JKAMP: variants seen among roughly 807,000 people sequenced by gnomAD.
JKAMP encodes the protein JNK1/MAPK8 associated membrane protein, also known as JNK1/MAPK8-associated membrane protein.
JKAMP carries 20 observed loss-of-function variants against 40.2 expected under a neutral mutation model. That is an observed-to-expected ratio of 0.50 (90% CI 0.35 to 0.72). JKAMP has a LOEUF of 0.72. Ranked by LOEUF, JKAMP falls within the 30% of genes least tolerant of loss-of-function variation. The pLI, the probability that JKAMP is intolerant of heterozygous loss-of-function variation, is 0.01. For missense variants in JKAMP, 276 were observed against 373.0 expected (o/e 0.74, Z 2.14); for synonymous variants, 138 against 131.6 (o/e 1.05, Z -0.33).
Position 59,498,866 on chromosome 14 carries a change from C to G in JKAMP, c.598C>G (p.Pro200Ala). 1 of 1,611,140 alleles carries G rather than the reference C, an allele frequency of 6.2e-7. No homozygotes were observed. Among genetic ancestry groups the G allele is most frequent in the Non-Finnish European group, 8.5e-7 (1 of 1,178,626 alleles). ...KSIYAALYFF[P>A]ILTVLQAVGG... ...TATTTATGCTGCACTTTACTTCTTC[C>G]CAATTTTAACCGTGCTTCAGGCAGT... The change falls in exon 5 of 7, where the codon CCA becomes GCA. Residue 200 changes from proline (P) to alanine (A), a missense_variant. Pro to Ala is a conservative substitution (Grantham distance 27, BLOSUM62 -1). Coordinates refer to ENST00000616435, the MANE Select transcript of JKAMP (RefSeq NM_016475.5).
At chr14:59,501,567 A>G (rs1454689991) in intron 6 of JKAMP, among the ~76,000 whole-genome samples, 5 of 152,180 alleles carry the variant, frequency 3.3e-5, no homozygotes, top group Non-Finnish European at 7.4e-5. Context: ...AAATGTTGAA[A>G]CTTATTAACA....
In JKAMP at chr14:59,495,109, C is replaced by G; in HGVS notation, c.343C>G (p.Leu115Val). ...TLLVSDPVGV[L>V]YIRSCRVLML... ...ACTTGTGAGTGATCCAGTTGGTGTTCTTTATATTCGTTCATGTCGAGTATT... is the reference window on the plus strand; with the variant it reads ...ACTTGTGAGTGATCCAGTTGGTGTTGTTTATATTCGTTCATGTCGAGTATT... Residue 115 changes from leucine to valine, a missense_variant, in exon 4 of 7, where the codon CTT (leucine) becomes GTT (valine). Leu to Val is a conservative substitution (Grantham distance 32, BLOSUM62 1). Transcript: ENST00000616435. 1 of 1,613,302 alleles carries G rather than the reference C, an allele frequency of 6.2e-7. No individual in the cohort carries two copies. The highest frequency in any genetic ancestry group is 8.5e-7 in the Non-Finnish European group (1 of 1,179,340).
chr14:59,494,526 G>A (rs1253113), intron 3 of JKAMP, among the ~76,000 whole-genome samples: 65,309 of 152,016 alleles, frequency 0.43, 15,840 homozygotes, highest in African/African-American at 0.66. Context: ...CAGAAATACA[G>A]TTGGGATAAA....
At chr14:59,503,040 G>A (rs967241333) in intron 6 of JKAMP, among the ~76,000 whole-genome samples, 8 of 151,788 alleles carry the variant, frequency 5.3e-5, no homozygotes, top group Non-Finnish European at 7.4e-5. Flanking sequence ...GAGCCACCAC[G>A]CCTGACCTTG....
intron 5 of JKAMP, among the ~76,000 whole-genome samples, 196 bp downstream of exon 5, chr14:59,499,104 A>G (rs1301229934): frequency 1.5e-5 from 2 of 136,926 alleles, no homozygotes; most frequent in East Asian, 2.1e-4. Context: ...GTTCACTGCA[A>G]CCTCCGCCTC....
rs1489627372 is a variant in JKAMP at position 59,504,803 on chromosome 14, T to G, written c.*731T>G. The G allele has an allele frequency of 6.5e-6, 1 of 153,534 alleles. No individual in the cohort carries two copies. The highest frequency in any genetic ancestry group is 2.4e-5 in the African/African-American group (1 of 41,460). The allele number at this position is 153,534 out of a possible 1,614,324, so 9.5% of individuals were successfully genotyped here. A position where few individuals can be genotyped will look rare whatever the true frequency, so the allele number is the denominator to read the frequency against. ...TTTCCTCTCATATCTCGGGTATATATACATACCATATTTTATTGATCCAGA... is the reference window on the plus strand; with the variant it reads ...TTTCCTCTCATATCTCGGGTATATAGACATACCATATTTTATTGATCCAGA... On this transcript the variant is annotated 3_prime_UTR_variant, in exon 7 of 7. Transcript: ENST00000616435.
chr14:59,486,832 A>G, intron 2 of JKAMP, 28 bp downstream of exon 2: 1 of 1,336,872 alleles, frequency 7.5e-7, no homozygotes. Context: ...ATCTTATTTC[A>G]TTTTGTAAAA....
At chr14:59,486,838 T>C (rs1890618089) in intron 2 of JKAMP, 34 bp downstream of exon 2, 1 of 1,303,290 alleles carries the variant, frequency 7.7e-7, no homozygotes, top group Admixed American at 2.3e-5. Flanking sequence ...TTTCATTTTG[T>C]AAAATCTATT....
At chr14:59,487,550 T>G (rs546552355) in intron 2 of JKAMP, 124 bp from the exon 3 acceptor site, 21 of 687,880 alleles carry the variant, frequency 3.1e-5, no homozygotes, top group Non-Finnish European at 3.9e-5. Context: ...TTTTTATTTC[T>G]AAAAGCTGCA....
At chr14:59,492,580 G>A (rs993260280) in intron 3 of JKAMP, among the ~76,000 whole-genome samples, 2 of 152,150 alleles carry the variant, frequency 1.3e-5, no homozygotes, top group South Asian at 2.1e-4. Context: ...CTCCCCAGTC[G>A]AGATATAATT....
At chr14:59,496,782 A>G (rs147398851) in intron 4 of JKAMP, among the ~76,000 whole-genome samples, 46 of 152,258 alleles carry the variant, frequency 3.0e-4, no homozygotes, top group African/African-American at 1.1e-3. Flanking sequence ...TTTCTTCCTC[A>G]GCACCCTTAC....
chr14:59,487,541 T>C, intron 2 of JKAMP, 133 bp from the exon 3 acceptor site: 1 of 650,310 alleles, frequency 1.5e-6, no homozygotes, highest in South Asian at 2.4e-5. Context: ...ATGCCCTCTT[T>C]TTTATTTCTA....
intron 1 of JKAMP, 92 bp downstream of exon 1, chr14:59,484,685 C>T (rs2139845463): frequency 1.4e-6 from 2 of 1,460,622 alleles, no homozygotes; most frequent in African/African-American, 1.4e-5. Flanking sequence ...TTGTAGGCGG[C>T]CTTCGGTTGG....
chr14:59,492,469 T>C (rs1364067642), intron 3 of JKAMP, among the ~76,000 whole-genome samples: 1 of 152,182 alleles, frequency 6.6e-6, no homozygotes, highest in East Asian at 1.9e-4. Flanking sequence ...TTCCATGAAC[T>C]TCTGGGGTCC....
chr14:59,494,980 C>G (rs2139888460), intron 3 of JKAMP, 38 bp from the exon 4 acceptor site: 3 of 1,457,806 alleles, frequency 2.1e-6, no homozygotes, highest in African/African-American at 1.4e-5. Flanking sequence ...TTAAATATTG[C>G]AATTTTTCTA....
chr14:59,502,702 AT>A, intron 6 of JKAMP, among the ~76,000 whole-genome samples: 1 of 148,540 alleles, frequency 6.7e-6, no homozygotes, highest in East Asian at 2.0e-4. Flanking sequence ...CTAGGGAAAG[AT>A]TTGAGGGAGA....
intron 4 of JKAMP, among the ~76,000 whole-genome samples, chr14:59,498,226 TTG>T (rs556320302): frequency 2.0e-5 from 3 of 152,226 alleles, no homozygotes; most frequent in Non-Finnish European, 4.4e-5. Context: ...ACATGCTATC[TTG>T]TAAGTTGTTG....
At chr14:59,498,459 C>A (rs576839777) in intron 4 of JKAMP, among the ~76,000 whole-genome samples, 38 of 152,168 alleles carry the variant, frequency 2.5e-4, no homozygotes, top group African/African-American at 9.2e-4. Context: ...GGATAAATTT[C>A]TACAGGTAAA....
intron 6 of JKAMP, among the ~76,000 whole-genome samples, chr14:59,502,760 T>TGTTTTG (rs760996086): frequency 3.8e-5 from 5 of 130,148 alleles, no homozygotes; most frequent in East Asian, 2.1e-4. Context: ...ATTTTTTTTT[T>TGTTTTG]TTTTTTTTTT....
Sources: gnomAD v4.1 joint callset for allele counts (sites outside exome capture counted in the v4.1 genomes callset) on GRCh38, gnomAD v4.1.1 for gene constraint, MANE v1.5 for transcripts, NCBI Gene and HGNC (gene_info 2026-07-23, HGNC 2026-07-21) for gene names.